WNK4: variants seen among roughly 807,000 people sequenced by gnomAD.
WNK4 encodes the protein serine/threonine-protein kinase WNK4.
In WNK4, 94 loss-of-function variants were observed where a neutral mutation model predicts 116.2. The ratio of observed to expected loss-of-function variants is 0.81; its 90% confidence interval spans 0.68 to 0.96. WNK4 has a LOEUF of 0.96. WNK4 is among the 40% of genes least tolerant of loss of function. The pLI is 0.00. For missense variants in WNK4, 1,542 were observed against 1,650.6 expected (o/e 0.93, Z 1.14); for synonymous variants, 655 against 672.7 (o/e 0.97, Z 0.41).
In WNK4 at chr17:42,794,656, G is replaced by A. The variant is rs775239746; in HGVS notation, c.2338G>A (p.Asp780Asn). 2.5e-6 allele frequency: 4 copies of A among 1,613,664 alleles called. No homozygotes were observed. Among genetic ancestry groups the A allele is most frequent in the Non-Finnish European group, 3.4e-6 (4 of 1,179,870 alleles). ...ACCTGCCCTGCCCGTCCCCCTCCCA[G>A]ACCCATCCAATGGTATGTACTGAGT... Reference protein sequence around the residue: ...PLPALPVPLPDPSNEELQSST... With the variant: ...PLPALPVPLPNPSNEELQSST... The change falls in exon 13 of 19, where the codon GAC becomes AAC. Residue 780 changes from aspartate to asparagine, a missense_variant. By Grantham distance (23) the Asp-to-Asn change is conservative. Coordinates refer to ENST00000246914, the MANE Select transcript of WNK4 (RefSeq NM_032387.5).
rs143446083 is a variant in WNK4, at chr17:42,786,900, A to C, written c.1477-378A>C. Among the ~76,000 whole-genome samples, 14 of 152,272 alleles carry C rather than the reference A, an allele frequency of 9.2e-5. No homozygotes were observed. In the East Asian group the frequency reaches 1.2e-3, roughly 13 times the overall value. ...GTTTGTTTTAGGGACTGTCCTGTGCATTGTAGGATGTTGAGAAGAACCCCT... is the reference window on the plus strand; with the variant it reads ...GTTTGTTTTAGGGACTGTCCTGTGCCTTGTAGGATGTTGAGAAGAACCCCT... On this transcript the variant is annotated intron_variant, in intron 6 of 18. Transcript: ENST00000246914.
intron 7 of WNK4, 112 bp downstream of exon 7, chr17:42,787,654 T>A: frequency 6.3e-7 from 1 of 1,591,722 alleles, no homozygotes; most frequent in Non-Finnish European, 8.6e-7. Context: ...CCTCTAGCCA[T>A]GAAGCTCCCT....
Position 42,785,403 on chromosome 17 carries a change from G to T in WNK4, c.1397G>T (p.Gly466Val). The T allele has an allele frequency of 6.3e-7, 1 of 1,574,812 alleles. No homozygotes were observed. Among genetic ancestry groups the T allele is most frequent in the East Asian group, 2.3e-5 (1 of 42,820 alleles). Residue 466 changes from glycine to valine, a missense_variant, in exon 6 of 19, where the codon GGG (glycine) becomes GTG (valine). Gly to Val is a moderately radical substitution (Grantham distance 109). Coordinates refer to ENST00000246914, the MANE Select transcript of WNK4 (RefSeq NM_032387.5). ...CGCATGGAGGACGCGCGGCGCGGGG[G>T]GCGCCCACGGGACAACCAGGCCATC... is the stretch of plus-strand genomic sequence containing the variant. ...WLRMEDARRG[G>V]RPRDNQAIEF...
chr17:42,793,977 C>T (rs1299427103), intron 12 of WNK4: 6 of 453,840 alleles, frequency 1.3e-5, no homozygotes, highest in African/African-American at 6.1e-5. Flanking sequence ...CCCAGCCTCC[C>T]GAGTAGCTGG....
In WNK4 at chr17:42,796,483, A is replaced by G. The variant is rs773850501; in HGVS notation, c.3634A>G (p.Ile1212Val). 2.5e-6 allele frequency: 4 copies of G among 1,613,578 alleles called. No individual in the cohort carries two copies. In the African/African-American group the frequency reaches 5.3e-5, roughly 22 times the overall value. ...LQRSEPPGPGIMRRNSLSGSS... is the reference protein window; with the variant it reads ...LQRSEPPGPGVMRRNSLSGSS... Reference sequence around the variant, plus strand: ...TCCTTCCCCCATCCTGCTCCCAGGCATCATGCGAAGGAACTCTCTGAGTGG... The same window carrying G: ...TCCTTCCCCCATCCTGCTCCCAGGCGTCATGCGAAGGAACTCTCTGAGTGG... Residue 1212 changes from isoleucine (I) to valine (V), a missense_variant and splice_region_variant, in exon 18 of 19, where the codon ATC (isoleucine) becomes GTC (valine). Coordinates refer to ENST00000246914, the MANE Select transcript of WNK4 (RefSeq NM_032387.5).
intron 12 of WNK4, 156 bp from the exon 13 acceptor site, chr17:42,794,458 C>A: frequency 1.3e-6 from 1 of 784,622 alleles, no homozygotes; most frequent in Non-Finnish European, 2.1e-6. Context: ...GCCCTTTTAC[C>A]TCTATACATT....
At chr17:42,783,817 A>G in intron 2 of WNK4, 120 bp from the exon 3 acceptor site, 2 of 945,970 alleles carry the variant, frequency 2.1e-6, no homozygotes, top group Non-Finnish European at 3.3e-6. Flanking sequence ...GGCTAGGAGA[A>G]TGCTGGCAGA....
At chr17:42,793,557 A>G in intron 11 of WNK4, 35 bp from the exon 12 acceptor site, 1 of 1,612,596 alleles carries the variant, frequency 6.2e-7, no homozygotes. Context: ...GTGAGATAAC[A>G]AGCTCTCCCT....
intron 11 of WNK4, among the ~76,000 whole-genome samples, chr17:42,792,284 A>G (rs866076177): frequency 1.3e-5 from 2 of 150,446 alleles, no homozygotes; most frequent in African/African-American, 5.0e-5. Flanking sequence ...TCATCTGTCA[A>G]TGTTCAGCTC....
chr17:42,793,249 C>T (rs553878697), intron 11 of WNK4, among the ~76,000 whole-genome samples: 4 of 152,240 alleles, frequency 2.6e-5, no homozygotes, highest in South Asian at 4.1e-4. Flanking sequence ...GACGGAGTCT[C>T]GCTCAGTCGT....
intron 1 of WNK4, among the ~76,000 whole-genome samples, chr17:42,781,757 C>T (rs951091891): frequency 1.3e-5 from 2 of 152,096 alleles, no homozygotes; most frequent in Non-Finnish European, 2.9e-5. Context: ...GGCTGGGATG[C>T]GGGAAGCCAG....
chr17:42,788,862 C>A, intron 11 of WNK4, 65 bp downstream of exon 11: 1 of 1,363,280 alleles, frequency 7.3e-7, no homozygotes, highest in Non-Finnish European at 1.1e-6. Flanking sequence ...TCCTGATGTC[C>A]GCTGGGGCTG....
At chr17:42,785,852 G>A (rs1282536854) in intron 6 of WNK4, among the ~76,000 whole-genome samples, 1 of 151,914 alleles carries the variant, frequency 6.6e-6, no homozygotes, top group East Asian at 1.9e-4. Flanking sequence ...CCCCTTTGGA[G>A]TCAAACTTAA....
chr17:42,782,231 C>T lies in WNK4; in HGVS notation c.619-527C>T, dbSNP rs570599266. On this transcript the variant is annotated intron_variant, in intron 1 of 18. Transcript: ENST00000246914. The surrounding 1 kb of genome is among the most constrained non-coding windows in gnomAD (Gnocchi z 4.2). Reference sequence around the variant, plus strand: ...GGGAGGGAGAGGAGCCGGGGCGGGACGACTATGGGGGTGGGCAGCCTCCTG... The same window carrying T: ...GGGAGGGAGAGGAGCCGGGGCGGGATGACTATGGGGGTGGGCAGCCTCCTG... Among the ~76,000 whole-genome samples the T allele has an allele frequency of 1.1e-4, 17 of 151,824 alleles. No individual in the cohort carries two copies. The highest frequency in any genetic ancestry group is 3.4e-3 in the Middle Eastern group (1 of 294).
At position 42,795,335 on chromosome 17, in the gene WNK4, G is replaced by A; in HGVS notation, c.2914G>A (p.Gly972Ser). The A allele has an allele frequency of 3.7e-6, 6 of 1,613,742 alleles. No individual in the cohort carries two copies. Among genetic ancestry groups the A allele is most frequent in the Non-Finnish European group, 5.1e-6 (6 of 1,179,966 alleles). ...SLPLPPPVAP[G>S]GQESPSPHTA... ...GCCCCTTCCCCCTCCCGTTGCTCCT[G>A]GTGGCCAGGAAAGCCCTTCACCCCA... is the stretch of plus-strand genomic sequence containing the variant. Residue 972 changes from glycine (G) to serine (S), a missense_variant, in exon 14 of 19, where the codon GGT (glycine) becomes AGT (serine). By Grantham distance (56) the Gly-to-Ser change is moderately conservative (BLOSUM62 0). Transcript: ENST00000246914.
In WNK4 at chr17:42,784,926, T is replaced by TG. The variant is rs35483050; in HGVS notation, c.1171-161dup. On this transcript the variant is annotated intron_variant, in intron 4 of 18. Coordinates refer to ENST00000246914, the MANE Select transcript of WNK4 (RefSeq NM_032387.5). The surrounding 1 kb of genome is among the most constrained non-coding windows in gnomAD (Gnocchi z 4.4). ...TGTTCAAGATCACACTGTAAATACT[T>TG]GGGGGGGGGGCGGGGATTAGGATTT... 0.054 allele frequency among the ~76,000 whole-genome samples: 6,106 copies of TG among 112,686 alleles called. 277 individuals are homozygous for TG. The highest frequency in any genetic ancestry group is 0.14 in the African/African-American group (3,511 of 25,238). 73.9% of individuals were successfully genotyped at this position (112,686 alleles called of 152,430 possible).
At position 42,784,527 on chromosome 17, in the gene WNK4, AC is replaced by A. The variant is rs750585651; in HGVS notation, c.1121del (p.Pro374ArgfsTer27). On this transcript the variant is annotated frameshift_variant, in exon 4 of 19. Coordinates refer to ENST00000246914, the MANE Select transcript of WNK4 (RefSeq NM_032387.5). LOFTEE classifies it high-confidence loss of function. The surrounding 1 kb of genome is among the most constrained non-coding windows in gnomAD (Gnocchi z 4.4). Reference protein sequence around the residue: ...MCMLEMATSEYPYSECQNAAQ... With the variant: ...MCMLEMATSEXPYSECQNAAQ... Reference sequence around the variant, plus strand: ...ATGCTGGAGATGGCCACCTCTGAGTACCCGTACTCCGAGTGCCAGAATGCCG... The same window carrying A: ...ATGCTGGAGATGGCCACCTCTGAGTACCGTACTCCGAGTGCCAGAATGCCG... 1 of 1,613,864 alleles carries A rather than the reference AC, an allele frequency of 6.2e-7. No homozygotes were observed. Among genetic ancestry groups the A allele is most frequent in the Non-Finnish European group, 8.5e-7 (1 of 1,179,990 alleles).
At position 42,788,398 on chromosome 17, in the gene WNK4, G is replaced by T. The variant is rs201748544; in HGVS notation, c.2031G>T (p.Arg677=). ...NLRRRPRSRL[R]VTSVSDQNDR... is the part of the protein sequence containing the mutation. ...GGCGCAGACCCCGATCCCGGCTGCG[G>T]GTCACTAGTGTAAGGATGGAGTACA... The change falls in exon 10 of 19, where the codon CGG becomes CGT. Residue 677 remains arginine (R), a synonymous_variant. Transcript: ENST00000246914. 2 of 1,612,518 alleles carry T rather than the reference G, an allele frequency of 1.2e-6. No individual in the cohort carries two copies. Among genetic ancestry groups the T allele is most frequent in the Non-Finnish European group, 1.7e-6 (2 of 1,179,866 alleles).
intron 11 of WNK4, among the ~76,000 whole-genome samples, chr17:42,789,841 C>CA (rs1379312439): frequency 6.6e-6 from 1 of 151,712 alleles, no homozygotes; most frequent in Non-Finnish European, 1.5e-5. Context: ...CCTATCTCTA[C>CA]AAAAAATTTA....
Sources: gnomAD v4.1 joint callset for allele counts (sites outside exome capture counted in the v4.1 genomes callset) on GRCh38, gnomAD v4.1.1 for gene constraint, Gnocchi (gnomAD v3.1) non-coding constraint, MANE v1.5 for transcripts, NCBI Gene and HGNC (gene_info 2026-07-23, HGNC 2026-07-21) for gene names.